Variants in UBE2L3 observed in about 807,000 individuals in gnomAD.
The protein encoded by UBE2L3 is ubiquitin-conjugating enzyme E2 L3.
In UBE2L3, 1 loss-of-function variant was observed where a neutral mutation model predicts 17.8. The ratio of observed to expected loss-of-function variants is 0.06; its 90% CI spans 0.02 to 0.27. UBE2L3 has a LOEUF of 0.27. Among genes scored for constraint, UBE2L3 ranks in the 10% least tolerant of loss-of-function variants. The pLI is 1.00. For missense variants in UBE2L3, 40 were observed against 192.6 expected (o/e 0.21, Z 4.69); for synonymous variants, 44 against 68.5 (o/e 0.64, Z 1.76).
intron 1 of UBE2L3, among the ~76,000 whole-genome samples, chr22:21,571,709 A>G (rs1926977100): frequency 1.3e-5 from 2 of 152,166 alleles, no homozygotes; most frequent in African/African-American, 2.4e-5. Flanking sequence ...GCCTAATGCT[A>G]TTTAAAAATG....
intron 1 of UBE2L3, among the ~76,000 whole-genome samples, chr22:21,587,226 C>T (rs1272623005): frequency 6.6e-6 from 1 of 151,204 alleles, no homozygotes. Context: ...AAGTCTTGCT[C>T]TGTCACCAGG....
intron 2 of UBE2L3, among the ~76,000 whole-genome samples, chr22:21,599,824 G>A (rs1237343132): frequency 1.3e-5 from 2 of 152,104 alleles, no homozygotes; most frequent in African/African-American, 4.8e-5. Flanking sequence ...TTTTTGGTGT[G>A]AGTGCTGTAT....
upstream of UBE2L3, among the ~76,000 whole-genome samples, chr22:21,563,702 A>G (rs943386141): frequency 4.8e-5 from 7 of 147,322 alleles, no homozygotes; most frequent in African/African-American, 1.5e-4. Flanking sequence ...TCAGCCTCCC[A>G]AGTAGCTGGG....
chr22:21,564,280 T>C (rs1460258369), upstream of UBE2L3, among the ~76,000 whole-genome samples: 1 of 152,110 alleles, frequency 6.6e-6, no homozygotes, highest in Non-Finnish European at 1.5e-5. Context: ...GCAATCCTCC[T>C]GCCTTGGCCT....
chr22:21,579,447 A>G (rs972777879), intron 1 of UBE2L3, among the ~76,000 whole-genome samples: 17 of 152,116 alleles, frequency 1.1e-4, no homozygotes, highest in South Asian at 6.2e-4. Flanking sequence ...GCTTATGTTT[A>G]GATTTTCAGT....
chr22:21,590,032 C>G (rs1928171889), intron 1 of UBE2L3, among the ~76,000 whole-genome samples: 1 of 152,108 alleles, frequency 6.6e-6, no homozygotes, highest in Non-Finnish European at 1.5e-5. Context: ...CAGTAAGTGT[C>G]CTTTCTGCAC....
At chr22:21,592,815 G>A (rs1207343244) in intron 1 of UBE2L3, 46 bp from the exon 2 acceptor site, 1 of 1,452,036 alleles carries the variant, frequency 6.9e-7, no homozygotes, top group Non-Finnish European at 9.7e-7. Context: ...TTAATATGTG[G>A]TGCTTTCCCC....
In UBE2L3 at chr22:21,610,700, T is replaced by C. The variant is rs113866004; in HGVS notation, c.124-157T>C. Among the ~76,000 whole-genome samples, 130 of 152,322 alleles carry C rather than the reference T, an allele frequency of 8.5e-4. 3 individuals carry two copies. Among genetic ancestry groups the C allele is most frequent in the African/African-American group, 3.0e-3 (126 of 41,564 alleles). On this transcript the variant is annotated intron_variant, in intron 2 of 3. Transcript: ENST00000342192. ...CAGATAGCTTGCTCTAGAAATACTT[T>C]TGGGTGGCTGGGTTGTCCTGAAGGT...
intron 1 of UBE2L3, among the ~76,000 whole-genome samples, chr22:21,572,652 TCACACTGCACACACACTGCA>T (rs1195769337): frequency 6.6e-6 from 1 of 152,040 alleles, no homozygotes; most frequent in East Asian, 1.9e-4. Flanking sequence ...CTTTGCAGCT[TCACACTGCACACACACTGCA>T]CACACTGTGC....
At chr22:21,611,194 G>C (rs1929453506) in intron 3 of UBE2L3, 151 bp downstream of exon 3, 1 of 931,992 alleles carries the variant, frequency 1.1e-6, no homozygotes. Flanking sequence ...TGTGGGAATG[G>C]CTCATCTCAG....
chr22:21,591,347 T>A (rs1928253982), intron 1 of UBE2L3, among the ~76,000 whole-genome samples: 1 of 152,228 alleles, frequency 6.6e-6, no homozygotes, highest in African/African-American at 2.4e-5. Context: ...GGACCAGAAT[T>A]TCTGGGGCTG....
chr22:21,614,527 A>G (rs768987133), intron 3 of UBE2L3: 5 of 1,344,226 alleles, frequency 3.7e-6, no homozygotes, highest in East Asian at 4.6e-5. Flanking sequence ...GCACCTGCTC[A>G]TGATTTTTGT....
At chr22:21,594,257 A>T (rs1175559044) in intron 2 of UBE2L3, among the ~76,000 whole-genome samples, 1 of 152,182 alleles carries the variant, frequency 6.6e-6, no homozygotes, top group Non-Finnish European at 1.5e-5. Flanking sequence ...AGCATGGAGC[A>T]TGCTTCCTCC....
At chr22:21,614,649 C>T in intron 3 of UBE2L3, 2 of 1,364,826 alleles carry the variant, frequency 1.5e-6, no homozygotes, top group Non-Finnish European at 2.0e-6. Flanking sequence ...ACTTTAGCCA[C>T]CCACAAGTAC....
intron 1 of UBE2L3, among the ~76,000 whole-genome samples, chr22:21,559,338 A>C (rs1363389229): frequency 6.7e-6 from 1 of 148,664 alleles, no homozygotes; most frequent in Non-Finnish European, 1.5e-5. Context: ...ACAGAGCAAG[A>C]CTCTGTCTCA....
intron 1 of UBE2L3, among the ~76,000 whole-genome samples, chr22:21,558,905 A>G (rs1926334339): frequency 5.3e-5 from 8 of 151,962 alleles, no homozygotes; most frequent in Admixed American, 4.6e-4. Flanking sequence ...ACTGAAGAAG[A>G]CAGAGGCAGA....
intron 2 of UBE2L3, among the ~76,000 whole-genome samples, chr22:21,597,138 C>A (rs1022430581): frequency 6.6e-6 from 1 of 151,664 alleles, no homozygotes; most frequent in Non-Finnish European, 1.5e-5. Flanking sequence ...ACCACCACAC[C>A]TGGCTAATTT....
intron 1 of UBE2L3, among the ~76,000 whole-genome samples, chr22:21,589,731 G>T (rs1340547893): frequency 6.6e-6 from 1 of 152,172 alleles, no homozygotes; most frequent in Non-Finnish European, 1.5e-5. Context: ...CTGTTTGTTT[G>T]TTTGCCTGTT....
chr22:21,562,806 T>C (rs1568966678), upstream of UBE2L3, among the ~76,000 whole-genome samples: 1 of 149,142 alleles, frequency 6.7e-6, no homozygotes, highest in Non-Finnish European at 1.5e-5. Flanking sequence ...CGCCTGGCCC[T>C]GTGTATCTGT....
Sources: allele counts gnomAD v4.1 joint callset (sites outside exome capture counted in the v4.1 genomes callset), GRCh38; gene constraint gnomAD v4.1.1; transcripts MANE v1.5; gene names NCBI Gene and HGNC (gene_info 2026-07-23, HGNC 2026-07-21).